Variants in SBF2 observed in about 807,000 individuals in gnomAD.
SBF2 encodes the protein myotubularin-related protein 13.
SBF2 carries 112 observed loss-of-function variants against 225.2 expected under a neutral mutation model. That is an observed-to-expected ratio of 0.50 (90% CI 0.43 to 0.58). The LOEUF (loss-of-function observed/expected upper bound fraction) is 0.58. SBF2 is among the 20% of genes least tolerant of loss of function. The probability of loss-of-function intolerance (pLI) is 0.00; values close to 1 mark genes in which losing one functional copy is unlikely to be tolerated. For missense variants in SBF2, 1,996 were observed against 2,206.2 expected, an observed-to-expected ratio of 0.90 and a Z score of 1.91; for synonymous variants, 763 against 773.3, an observed-to-expected ratio of 0.99 and a Z score of 0.22.
intron 6 of SBF2, among the ~76,000 whole-genome samples, chr11:10,023,544 C>T (rs754648685): frequency 2.0e-5 from 3 of 152,188 alleles, no homozygotes; most frequent in Admixed American, 1.3e-4. Flanking sequence ...CCCTATCCCT[C>T]GAGCCCCTTA....
At chr11:9,963,645 C>T (rs1866723730) in intron 15 of SBF2, 128 bp downstream of exon 15, 1 of 627,336 alleles carries the variant, frequency 1.6e-6, no homozygotes, top group African/African-American at 1.8e-5. Context: ...TAAAATGATC[C>T]AAACAATGAG....
At chr11:9,898,822 GA>G (rs1205774608) in intron 16 of SBF2, among the ~76,000 whole-genome samples, 1 of 151,994 alleles carries the variant, frequency 6.6e-6, no homozygotes. Context: ...TCATCCTATT[GA>G]ATAAACATTT....
At chr11:10,293,948 G>GACGC in intron 1 of SBF2, 67 bp downstream of exon 1, 12 of 1,178,070 alleles carry the variant, frequency 1.0e-5, no homozygotes, top group Middle Eastern at 3.2e-4. Flanking sequence ...GCCCGGCCCC[G>GACGC]CGGAGCCCAC....
intron 3 of SBF2, among the ~76,000 whole-genome samples, chr11:10,035,148 G>A (rs1478971519): frequency 1.3e-5 from 2 of 151,044 alleles, no homozygotes; most frequent in Non-Finnish European, 3.0e-5. Context: ...CTTTTTTTTT[G>A]TATTTTTAGT....
At position 10,006,157 on chromosome 11, in the gene SBF2, G is replaced by A. The variant is rs141146785; in HGVS notation, c.620-3468C>T. 1.5e-4 allele frequency among the ~76,000 whole-genome samples: 23 copies of A among 152,254 alleles called. No individual in the cohort carries two copies. The East Asian group carries it at 3.3e-3, about 22-fold the overall frequency. The stretch of plus-strand genomic sequence containing the variant: ...TCTGAAATGGCCTTGTACACCCTCC[G>A]GACCGTCCACCTCGAGGCAAGTCAG... On this transcript the variant is annotated intron_variant, in intron 6 of 39. Coordinates refer to ENST00000256190, the MANE Select transcript of SBF2 (RefSeq NM_030962.4).
chr11:10,144,404 C>T (rs993942610), intron 2 of SBF2, among the ~76,000 whole-genome samples: 7 of 152,078 alleles, frequency 4.6e-5, no homozygotes, highest in Admixed American at 3.9e-4. Context: ...GGGAGGACTG[C>T]TTGAGCCCGA....
At chr11:9,839,319 T>G in intron 26 of SBF2, 179 bp downstream of exon 26, 1 of 671,936 alleles carries the variant, frequency 1.5e-6, no homozygotes, top group Admixed American at 2.3e-5. Context: ...TAGAGGTACT[T>G]TCAGTAAGGT....
intron 13 of SBF2, among the ~76,000 whole-genome samples, chr11:9,980,142 G>A (rs566127289): frequency 5.9e-5 from 9 of 151,460 alleles, no homozygotes; most frequent in African/African-American, 2.2e-4. Flanking sequence ...CACCATGCCC[G>A]GCTAATTTTT....
intron 28 of SBF2, 34 bp downstream of exon 28, chr11:9,829,322 A>G (rs1188918340): frequency 3.1e-6 from 5 of 1,609,852 alleles, no homozygotes; most frequent in Non-Finnish European, 4.3e-6. Flanking sequence ...TTTCATTAGA[A>G]GCTGTCAAGA....
chr11:10,002,481 C>T (rs1948011773), intron 7 of SBF2, 76 bp downstream of exon 7: 1 of 1,185,810 alleles, frequency 8.4e-7, no homozygotes, highest in South Asian at 1.3e-5. Flanking sequence ...AACCATTGTG[C>T]CATAACATTA....
At chr11:9,967,959 CTCTCTCTCTCTCTATATATA>C (rs1231026403) in intron 14 of SBF2, among the ~76,000 whole-genome samples, 9 of 111,760 alleles carry the variant, frequency 8.1e-5, no homozygotes, top group Middle Eastern at 4.8e-3. Context: ...CTCTCTCTCT[CTCTCTCTCTCTCTATATATA>C]TATATATATA....
chr11:9,892,615 A>C (rs1261827194), intron 17 of SBF2, among the ~76,000 whole-genome samples: 1 of 151,632 alleles, frequency 6.6e-6, no homozygotes, highest in African/African-American at 2.4e-5. Context: ...GCTGGAGTAC[A>C]ATGGTGCGCT....
intron 32 of SBF2, among the ~76,000 whole-genome samples, chr11:9,797,471 A>T (rs1300009765): frequency 6.6e-6 from 1 of 152,230 alleles, no homozygotes; most frequent in Admixed American, 6.5e-5. Flanking sequence ...TGCTTCCTTG[A>T]TGTGAGCCAA....
rs534236451 is a variant in SBF2 at position 10,166,323 on chromosome 11, A to G, written c.141+27579T>C. Among the ~76,000 whole-genome samples, 3 of 152,342 alleles carry G rather than the reference A, an allele frequency of 2.0e-5. No individual in the cohort carries two copies. The South Asian group carries it at 6.2e-4, about 32-fold the overall frequency. On this transcript the variant is annotated intron_variant, in intron 2 of 39. Transcript: ENST00000256190. The stretch of plus-strand genomic sequence containing the variant: ...TAACATTTTCATCACTATGCCAGTG[A>G]AAGTATTAAATGAAGGTCATACTCT...
intron 2 of SBF2, among the ~76,000 whole-genome samples, chr11:10,146,707 G>T (rs954918723): frequency 6.6e-6 from 1 of 151,956 alleles, no homozygotes; most frequent in South Asian, 2.1e-4. Context: ...TGCAACAAAA[G>T]AAAAATTGAC....
chr11:10,073,119 G>C (rs1950959571), intron 2 of SBF2, among the ~76,000 whole-genome samples: 1 of 151,924 alleles, frequency 6.6e-6, no homozygotes, highest in Admixed American at 6.6e-5. Context: ...TGAGTAATGG[G>C]ATGTATTGCA....
At chr11:10,060,813 G>A (rs144250547) in intron 2 of SBF2, among the ~76,000 whole-genome samples, 1 of 152,180 alleles carries the variant, frequency 6.6e-6, no homozygotes, top group East Asian at 1.9e-4. Context: ...AGGATCACGA[G>A]GTTAGGCGAT....
intron 9 of SBF2, 125 bp from the exon 10 acceptor site, chr11:9,994,123 A>G: frequency 1.3e-6 from 1 of 780,820 alleles, no homozygotes; most frequent in Non-Finnish European, 2.1e-6. Context: ...CAATTCAATT[A>G]GCTGGGGTAG....
intron 2 of SBF2, among the ~76,000 whole-genome samples, chr11:10,053,785 T>C (rs1590846751): frequency 6.6e-6 from 1 of 151,076 alleles, no homozygotes. Flanking sequence ...CCAAGAGTAG[T>C]GGCATGCACC....
Sources: allele counts gnomAD v4.1 joint callset (sites outside exome capture counted in the v4.1 genomes callset), GRCh38; gene constraint gnomAD v4.1.1; transcripts MANE v1.5; gene names NCBI Gene and HGNC (gene_info 2026-07-23, HGNC 2026-07-21).